The following AP2A2 variants were observed in gnomAD, a reference collection of about 807,000 sequenced individuals.
The protein encoded by AP2A2 is adaptor related protein complex 2 subunit alpha 2.
A neutral mutation model predicts 104.2 loss-of-function variants in AP2A2; 32 were observed. The ratio of observed to expected loss-of-function variants is 0.31; its 90% CI spans 0.23 to 0.41. AP2A2 has a LOEUF of 0.41. Ranked by LOEUF, AP2A2 falls within the 10% of genes least tolerant of loss-of-function variation. AP2A2 has a pLI of 1.00. For synonymous variants in AP2A2, 539 were observed against 533.3 expected (o/e 1.01, Z -0.15); for missense variants, 912 against 1,261.0 (o/e 0.72, Z 4.19).
Position 977,207 on chromosome 11 carries a change from C to A in AP2A2, c.586C>A (p.Leu196Ile). The A allele has an allele frequency of 6.2e-7, 1 of 1,604,568 alleles. No homozygotes were observed. Among genetic ancestry groups the A allele is most frequent in the Non-Finnish European group, 8.5e-7 (1 of 1,173,976 alleles). The stretch of plus-strand genomic sequence containing the variant: ...CTGGACATCCCGAGTGGTGCACCTG[C>A]TCAATGACCAGCACTTGGTAAGCAC... Reference protein sequence around the residue: ...GDWTSRVVHLLNDQHLGVVTA... With the variant: ...GDWTSRVVHLINDQHLGVVTA... Residue 196 changes from leucine to isoleucine, a missense_variant, in exon 5 of 22, where the codon CTC (leucine) becomes ATC (isoleucine). Physicochemically the swap from Leu to Ile is conservative, Grantham distance 5. Transcript: ENST00000448903.
chr11:981,419 A>C, intron 6 of AP2A2, 120 bp downstream of exon 6: 2 of 846,154 alleles, frequency 2.4e-6, no homozygotes, highest in Non-Finnish European at 3.7e-6. Flanking sequence ...ATGAAAACCA[A>C]CTTGGCTTCT....
rs1190722379 is a variant in AP2A2 at position 969,220 on chromosome 11, C to CTTT, written c.137-924_137-922dup. Among the ~76,000 whole-genome samples the CTTT allele has an allele frequency of 6.5e-3, 315 of 48,094 alleles. 7 individuals carry two copies. The highest frequency in any genetic ancestry group is 0.021 in the Middle Eastern group (1 of 48). The allele number at this position is 48,094 out of a possible 152,430, so 31.6% of individuals were successfully genotyped here. ...AAACTCCTGGCAATGTAGAACAGCC[C>CTTT]TTTTTTTTTTTTTTTTTTTTTTTTT... On this transcript the variant is annotated intron_variant, in intron 2 of 21. Transcript: ENST00000448903.
At chr11:952,220 A>T (rs1854076389) in intron 1 of AP2A2, among the ~76,000 whole-genome samples, 1 of 152,220 alleles carries the variant, frequency 6.6e-6, no homozygotes, top group Non-Finnish European at 1.5e-5. Context: ...TTTGCTGCAC[A>T]TTGCAAGGAC....
intron 1 of AP2A2, among the ~76,000 whole-genome samples, chr11:950,903 GC>G (rs1460120115): frequency 6.6e-6 from 1 of 151,592 alleles, no homozygotes; most frequent in Non-Finnish European, 1.5e-5. Context: ...GACCAGCCTA[GC>G]CAACATGGTG....
At chr11:994,377 C>T in intron 14 of AP2A2, 132 bp downstream of exon 14, 1 of 1,172,992 alleles carries the variant, frequency 8.5e-7, no homozygotes, top group Non-Finnish European at 1.2e-6. Flanking sequence ...CTCTGGACAC[C>T]CCGCTGTCCT....
At chr11:1,003,886 T>C (rs1296859731) in intron 16 of AP2A2, 82 bp downstream of exon 16, 9 of 898,050 alleles carry the variant, frequency 1.0e-5, no homozygotes, top group African/African-American at 5.1e-5. Flanking sequence ...CATATACTTA[T>C]AAGGGATAGA....
intron 4 of AP2A2, among the ~76,000 whole-genome samples, chr11:975,113 A>G (rs1045034166): frequency 6.6e-6 from 1 of 152,224 alleles, no homozygotes; most frequent in African/African-American, 2.4e-5. Context: ...GGCCAGAGGT[A>G]GGGACGGGAG....
At chr11:941,360 G>T (rs1475064733) in intron 1 of AP2A2, among the ~76,000 whole-genome samples, 1 of 152,156 alleles carries the variant, frequency 6.6e-6, no homozygotes, top group Admixed American at 6.5e-5. Context: ...CTACACACAT[G>T]CCCCGGCCCC....
At chr11:983,593 C>A (rs903925581) in intron 6 of AP2A2, among the ~76,000 whole-genome samples, 1 of 151,878 alleles carries the variant, frequency 6.6e-6, no homozygotes, top group African/African-American at 2.4e-5. Context: ...CTGTGTTAGC[C>A]AGGATGGTCT....
intron 6 of AP2A2, among the ~76,000 whole-genome samples, chr11:984,116 C>T (rs978415145): frequency 2.6e-5 from 4 of 152,054 alleles, no homozygotes; most frequent in African/African-American, 7.3e-5. Context: ...GCGAGGTAGT[C>T]GTGATTGTCA....
chr11:987,091 C>G (rs1331621129), intron 9 of AP2A2, 138 bp downstream of exon 9: 2 of 1,066,810 alleles, frequency 1.9e-6, no homozygotes, highest in Admixed American at 2.4e-5. Flanking sequence ...CTCCGCCTGT[C>G]ACCTACTCTT....
At position 993,204 on chromosome 11, in the gene AP2A2, T is replaced by C; in HGVS notation, c.1453-80T>C. Reference sequence around the variant, plus strand: ...CTGAGGGGCTGGTGCTGGTGTAGGGTGCACCGCGCCAGGACGTGCCCGCCT... The same window carrying C: ...CTGAGGGGCTGGTGCTGGTGTAGGGCGCACCGCGCCAGGACGTGCCCGCCT... On this transcript the variant is annotated intron_variant, in intron 11 of 21. Coordinates refer to ENST00000448903, the MANE Select transcript of AP2A2 (RefSeq NM_012305.4). The surrounding 1 kb of genome is among the most constrained non-coding windows in gnomAD (Gnocchi z 8.2). 1 of 1,111,006 alleles carries C rather than the reference T, an allele frequency of 9.0e-7. No individual in the cohort carries two copies. Among genetic ancestry groups the C allele is most frequent in the Non-Finnish European group, 1.3e-6 (1 of 788,182 alleles). 68.8% of individuals were successfully genotyped at this position (1,111,006 alleles called of 1,614,324 possible).
At chr11:936,057 A>T (rs748400184) in intron 1 of AP2A2, among the ~76,000 whole-genome samples, 120 of 140,380 alleles carry the variant, frequency 8.5e-4, no homozygotes, top group Non-Finnish European at 1.4e-3. Flanking sequence ...GCCCACCACC[A>T]CGCCTGCCTA....
intron 5 of AP2A2, among the ~76,000 whole-genome samples, chr11:978,945 G>A (rs1855146134): frequency 1.3e-5 from 2 of 152,150 alleles, no homozygotes. Context: ...GCACCGTGCC[G>A]AGCCTTGGGT....
chr11:970,667 G>A (rs1168111604), intron 3 of AP2A2, among the ~76,000 whole-genome samples: 1 of 152,272 alleles, frequency 6.6e-6, no homozygotes, highest in Non-Finnish European at 1.5e-5. Flanking sequence ...TGCCGCACGC[G>A]GCCCAGCGTT....
At chr11:1,001,980 C>CG (rs1856043719) in intron 15 of AP2A2, among the ~76,000 whole-genome samples, 1 of 152,174 alleles carries the variant, frequency 6.6e-6, no homozygotes. Context: ...TGCCTCAGGG[C>CG]GAGCCGGCTG....
chr11:950,745 G>A (rs967652003), intron 1 of AP2A2, among the ~76,000 whole-genome samples: 4 of 152,084 alleles, frequency 2.6e-5, no homozygotes, highest in East Asian at 1.9e-4. Context: ...TAAAGGGCTC[G>A]TTATTTAGAA....
intron 2 of AP2A2, among the ~76,000 whole-genome samples, chr11:962,286 C>G (rs554790131): frequency 1.3e-5 from 2 of 152,240 alleles, no homozygotes; most frequent in African/African-American, 4.8e-5. Context: ...AAACCAGCAC[C>G]CAGCCAGTGT....
At chr11:1,005,230 C>T (rs1460067318) in intron 16 of AP2A2, among the ~76,000 whole-genome samples, 1 of 152,238 alleles carries the variant, frequency 6.6e-6, no homozygotes, top group Non-Finnish European at 1.5e-5. Context: ...TGCTCAGTGA[C>T]ACGGGCCAGA....
Sources: gnomAD v4.1 joint callset for allele counts (sites outside exome capture counted in the v4.1 genomes callset) on GRCh38, gnomAD v4.1.1 for gene constraint, Gnocchi (gnomAD v3.1) non-coding constraint, MANE v1.5 for transcripts, NCBI Gene and HGNC (gene_info 2026-07-23, HGNC 2026-07-21) for gene names.